The following SENP1 variants were observed in gnomAD, a reference collection of about 807,000 sequenced individuals.
The protein encoded by SENP1 is sentrin-specific protease 1.
A neutral mutation model predicts 93.0 loss-of-function variants in SENP1; 21 were observed. That is an observed-to-expected ratio of 0.23 (90% CI 0.16 to 0.33). The LOEUF (loss-of-function observed/expected upper bound fraction) is 0.33. Among genes scored for constraint, SENP1 ranks in the 10% least tolerant of loss-of-function variants. The pLI, the probability that SENP1 is intolerant of heterozygous loss-of-function variation, is 1.00. For synonymous variants in SENP1, 256 were observed against 259.6 expected (o/e 0.99, Z 0.13); for missense variants, 591 against 758.7 (o/e 0.78, Z 2.60).
intron 1 of SENP1, among the ~76,000 whole-genome samples, chr12:48,101,893 T>A (rs899442279): frequency 1.3e-5 from 2 of 152,236 alleles, no homozygotes; most frequent in Admixed American, 1.3e-4. Context: ...TATTACCTCA[T>A]GCTAAATCAC....
intron 1 of SENP1, among the ~76,000 whole-genome samples, chr12:48,102,083 C>T (rs1945974653): frequency 6.6e-6 from 1 of 152,208 alleles, no homozygotes; most frequent in South Asian, 2.1e-4. Flanking sequence ...ATAAAAATTA[C>T]TGTCTCCTCT....
intron 8 of SENP1, among the ~76,000 whole-genome samples, chr12:48,073,239 C>T (rs1363290032): frequency 5.3e-5 from 8 of 151,424 alleles, no homozygotes; most frequent in African/African-American, 1.9e-4. Context: ...GTATCTGCAA[C>T]ACAATGTATG....
rs113114641 is a variant in SENP1, at chr12:48,092,519, A to G, written c.221-3559T>C. On this transcript the variant is annotated intron_variant, in intron 4 of 17. Transcript: ENST00000549518. ...GAAAGGGACCTTTGATGTCTGTGAC[A>G]TGCCATAAGCTTGTTTGATCAGGGA... is the stretch of plus-strand genomic sequence containing the variant. Among the ~76,000 whole-genome samples the G allele has an allele frequency of 5.4e-3, 827 of 152,356 alleles. 8 individuals carry two copies. Among genetic ancestry groups the G allele is most frequent in the Middle Eastern group, 0.031 (9 of 294 alleles).
At chr12:48,089,222 T>G (rs750659902) in intron 4 of SENP1, 1 of 1,463,268 alleles carries the variant, frequency 6.8e-7, no homozygotes, top group South Asian at 1.1e-5. Flanking sequence ...TGCATCAATG[T>G]GACTCCGTGG....
At chr12:48,105,014 T>C (rs1020283823) in intron 1 of SENP1, 1 of 170,934 alleles carries the variant, frequency 5.9e-6, no homozygotes, top group Admixed American at 5.8e-5. Flanking sequence ...AAAGTCAGGG[T>C]AATCTGTATT....
At chr12:48,065,347 G>A (rs927182431) in intron 11 of SENP1, 127 bp from the exon 12 acceptor site, 14 of 785,316 alleles carry the variant, frequency 1.8e-5, no homozygotes, top group East Asian at 2.7e-5. Flanking sequence ...CATTGCTTTC[G>A]CTTTTTTGTA....
At chr12:48,048,708 T>C (rs1941560325) in intron 14 of SENP1, among the ~76,000 whole-genome samples, 1 of 152,182 alleles carries the variant, frequency 6.6e-6, no homozygotes, top group East Asian at 1.9e-4. Flanking sequence ...TATAACTCTC[T>C]TTTAAATATT....
At chr12:48,085,436 G>A (rs1944788719) in intron 5 of SENP1, 2 of 913,886 alleles carry the variant, frequency 2.2e-6, no homozygotes, top group Non-Finnish European at 3.3e-6. Flanking sequence ...TTTGTGTGAG[G>A]ACTCCTCACA....
intron 13 of SENP1, among the ~76,000 whole-genome samples, chr12:48,059,443 T>A (rs1942812159): frequency 6.6e-6 from 1 of 152,230 alleles, no homozygotes; most frequent in South Asian, 2.1e-4. Flanking sequence ...GTCGGTCTTG[T>A]TTAAAAAATA....
chr12:48,086,944 C>A (rs1944908744), intron 5 of SENP1, among the ~76,000 whole-genome samples: 1 of 152,086 alleles, frequency 6.6e-6, no homozygotes, highest in Non-Finnish European at 1.5e-5. Context: ...AAGGCTGAGG[C>A]AGGAGAATTG....
At chr12:48,047,912 T>C (rs1941491303) in intron 15 of SENP1, 89 bp downstream of exon 15, 7 of 803,718 alleles carry the variant, frequency 8.7e-6, no homozygotes, top group Middle Eastern at 2.3e-4. Flanking sequence ...AATCACTCCA[T>C]TGAAGGTATC....
At chr12:48,046,163 C>T (rs866786124) in intron 17 of SENP1, among the ~76,000 whole-genome samples, 193 bp downstream of exon 17, 4 of 152,166 alleles carry the variant, frequency 2.6e-5, no homozygotes, top group Admixed American at 6.5e-5. Context: ...TAACCCAGGA[C>T]GTGGCTTATC....
chr12:48,061,274 C>G (rs1942944489), intron 13 of SENP1, among the ~76,000 whole-genome samples: 1 of 152,042 alleles, frequency 6.6e-6, no homozygotes, highest in South Asian at 2.1e-4. Context: ...TTTAATACAT[C>G]TTATAAAGCA....
At position 48,065,643 on chromosome 12, in the gene SENP1, G is replaced by A. The variant is rs539740517; in HGVS notation, c.1072C>T (p.Arg358Cys). The change falls in exon 11 of 18, where the codon CGC (arginine) becomes TGC (cysteine). Residue 358 changes from arginine to cysteine, a missense_variant. By Grantham distance (180) the Arg-to-Cys change is radical (BLOSUM62 -3). Transcript: ENST00000549518. ...VYDSRARERL[R>C]QIEEQKALAL... is the part of the protein sequence containing the mutation. The stretch of plus-strand genomic sequence containing the variant: ...AATGCCTTCTGTTCTTCAATCTGGC[G>A]CAATCTTTCTCGTGCTCGAGAATCA... The A allele has an allele frequency of 2.2e-4, 338 of 1,562,168 alleles. 2 individuals carry two copies. In the South Asian group the frequency reaches 3.7e-3, roughly 17 times the overall value.
At chr12:48,082,806 A>G (rs1221811052) in intron 6 of SENP1, among the ~76,000 whole-genome samples, 3 of 152,220 alleles carry the variant, frequency 2.0e-5, no homozygotes, top group Non-Finnish European at 4.4e-5. Flanking sequence ...GGTCTTACTC[A>G]TAATGAAAGG....
chr12:48,090,280 T>C (rs1945136281), intron 4 of SENP1, among the ~76,000 whole-genome samples: 1 of 152,212 alleles, frequency 6.6e-6, no homozygotes, highest in African/African-American at 2.4e-5. Flanking sequence ...GAAATATTTG[T>C]CTCTCACACA....
chr12:48,089,307 G>C lies in SENP1; in HGVS notation c.221-347C>G. ...CCAGGCCTGGGCCTGAAAGAAGGTAGGCCAGACCAGTAAGAAAGCAGGTGG... is the reference window on the plus strand; with the variant it reads ...CCAGGCCTGGGCCTGAAAGAAGGTACGCCAGACCAGTAAGAAAGCAGGTGG... On this transcript the variant is annotated intron_variant, in intron 4 of 17. Coordinates refer to ENST00000549518, the MANE Select transcript of SENP1 (RefSeq NM_001267594.2). 2.2e-6 allele frequency: 3 copies of C among 1,357,608 alleles called. No homozygotes were observed. The South Asian group carries it at 3.5e-5, about 16-fold the overall frequency. The allele number at this position is 1,357,608 out of a possible 1,614,324, so 84.1% of individuals were successfully genotyped here.
intron 13 of SENP1, 78 bp from the exon 14 acceptor site, chr12:48,049,210 T>C (rs1941603417): frequency 3.0e-6 from 3 of 1,003,992 alleles, no homozygotes; most frequent in Non-Finnish European, 3.1e-6. Flanking sequence ...CTGTGTTGAA[T>C]AGCATATGTA....
At chr12:48,091,857 T>TTTTTGTAGAGACAGGGTCTCAGTACG (rs1283750715) in intron 4 of SENP1, among the ~76,000 whole-genome samples, 7 of 152,060 alleles carry the variant, frequency 4.6e-5, no homozygotes, top group African/African-American at 1.7e-4. Context: ...TTATTTTTAT[T>TTTTTGTAGAGACAGGGTCTCAGTACG]TTTTGTAGAG....
Sources: gnomAD v4.1 joint callset for allele counts (sites outside exome capture counted in the v4.1 genomes callset) on GRCh38, gnomAD v4.1.1 for gene constraint, MANE v1.5 for transcripts, NCBI Gene and HGNC (gene_info 2026-07-23, HGNC 2026-07-21) for gene names.